SLC39A13: variants seen among roughly 807,000 people sequenced by gnomAD.
SLC39A13 encodes the protein solute carrier family 39 member 13.
A neutral mutation model predicts 38.7 loss-of-function variants in SLC39A13; 18 were observed. That is an observed-to-expected ratio of 0.47 (90% CI 0.32 to 0.69). The LOEUF is 0.69. Ranked by LOEUF, SLC39A13 falls within the 30% of genes least tolerant of loss-of-function variation. SLC39A13 has a pLI of 0.03. For missense variants in SLC39A13, 395 were observed against 490.7 expected (o/e 0.80, Z 1.84); for synonymous variants, 212 against 219.1 (o/e 0.97, Z 0.29).
intron 7 of SLC39A13, 104 bp from the exon 8 acceptor site, chr11:47,414,673 G>A: frequency 6.4e-7 from 1 of 1,570,410 alleles, no homozygotes; most frequent in Non-Finnish European, 8.6e-7. Flanking sequence ...GGTCCCAGGG[G>A]AAGGGTGGGG....
chr11:47,414,974 G>C, intron 8 of SLC39A13, 65 bp downstream of exon 8: 1 of 1,608,880 alleles, frequency 6.2e-7, no homozygotes, highest in Non-Finnish European at 8.5e-7. Context: ...AAAGGGTGTG[G>C]CTACCGCACT....
Position 47,413,621 on chromosome 11 carries a change from G to A in SLC39A13, c.670G>A (p.Ala224Thr), listed in dbSNP as rs1465038824. 6.2e-7 allele frequency: 1 copy of A among 1,614,224 alleles called. No individual in the cohort carries two copies. The highest frequency in any genetic ancestry group is 1.1e-5 in the South Asian group (1 of 91,090). Residue 224 changes from alanine to threonine, a missense_variant, in exon 6 of 10, where the codon GCC becomes ACC. Transcript: ENST00000362021. ...GGTCAGCGGCTACCTCAACCTGCTG[G>A]CCAACACCATCGATAACTTCACCCA... ...IKVSGYLNLL[A>T]NTIDNFTHGL...
At chr11:47,409,897 C>T (rs1344539154) in intron 1 of SLC39A13, 190 bp from the exon 2 acceptor site, 2 of 634,216 alleles carry the variant, frequency 3.2e-6, no homozygotes, top group East Asian at 2.7e-5. Context: ...ACGCAGTGCT[C>T]AGGAGTAGGG....
chr11:47,411,347 G>A (rs1050575100), intron 2 of SLC39A13, among the ~76,000 whole-genome samples: 1 of 152,184 alleles, frequency 6.6e-6, no homozygotes, highest in African/African-American at 2.4e-5. Flanking sequence ...GCTCACAGCT[G>A]TAATCTCAGC....
In SLC39A13 at chr11:47,412,350, T is replaced by C. The variant is rs375324398; in HGVS notation, c.420T>C (p.Gly140=). The C allele has an allele frequency of 8.7e-6, 14 of 1,613,118 alleles. No individual in the cohort carries two copies. In the African/African-American group the frequency reaches 1.7e-4, roughly 20 times the overall value. The change falls in exon 4 of 10, where the codon GGT becomes GGC. Residue 140 remains glycine, a synonymous_variant. Coordinates refer to ENST00000362021, the MANE Select transcript of SLC39A13 (RefSeq NM_001128225.3). ...TGGCATTGCCGCCCCCTGCAGGTGG[T>C]GAGGGGCAGAGCCTGCAGCAGCAGC... ...WAYTCSASPG[G]EGQSLQQQQQ...
At position 47,410,375 on chromosome 11, in the gene SLC39A13, G is replaced by A. The variant is rs778732747; in HGVS notation, c.281G>A (p.Gly94Glu). 10 of 1,614,084 alleles carry A rather than the reference G, an allele frequency of 6.2e-6. No homozygotes were observed. The highest frequency in any genetic ancestry group is 8.5e-6 in the Non-Finnish European group (10 of 1,179,990). The change falls in exon 2 of 10, where the codon GGG becomes GAG. Residue 94 changes from glycine to glutamate, a missense_variant. Gly to Glu is a moderately conservative substitution (Grantham distance 98). Coordinates refer to ENST00000362021, the MANE Select transcript of SLC39A13 (RefSeq NM_001128225.3). ...FPLLVIPLEM[G>E]TMLRSEAGAW... Reference sequence around the variant, plus strand: ...TTGCTTGTCATTCCCCTAGAGATGGGGACCATGCTGCGCTCAGAAGGTAGG... The same window carrying A: ...TTGCTTGTCATTCCCCTAGAGATGGAGACCATGCTGCGCTCAGAAGGTAGG...
At position 47,414,069 on chromosome 11, in the gene SLC39A13, T is replaced by C. The variant is rs1375882380; in HGVS notation, c.736-356T>C. ...GCCTGGAATGTTCTCCCGCCCACGC[T>C]TCGAGCGGCTGACGACTCATCCTTG... On this transcript the variant is annotated intron_variant, in intron 6 of 9. Coordinates refer to ENST00000362021, the MANE Select transcript of SLC39A13 (RefSeq NM_001128225.3). 1.6e-5 allele frequency: 10 copies of C among 612,956 alleles called. No individual in the cohort carries two copies. The East Asian group carries it at 2.7e-4, about 17-fold the overall frequency. 38.0% of individuals were successfully genotyped at this position (612,956 alleles called of 1,614,324 possible). A position where few individuals can be genotyped will look rare whatever the true frequency, so the allele number is the denominator to read the frequency against.
At position 47,409,724 on chromosome 11, in the gene SLC39A13, G is replaced by A. The variant is rs934636242; in HGVS notation, c.-8-363G>A. On this transcript the variant is annotated intron_variant, in intron 1 of 9. Coordinates refer to ENST00000362021, the MANE Select transcript of SLC39A13 (RefSeq NM_001128225.3). ...GGGGTGCCTCAGTCTCTGGGGTGTCGCGGGCGGCAGGGCCTCCCCTGGCAG... is the reference window on the plus strand; with the variant it reads ...GGGGTGCCTCAGTCTCTGGGGTGTCACGGGCGGCAGGGCCTCCCCTGGCAG... The A allele has an allele frequency of 2.1e-5, 6 of 284,604 alleles. No individual in the cohort carries two copies. In the East Asian group the frequency reaches 3.7e-4, roughly 17 times the overall value. 17.6% of individuals were successfully genotyped at this position (284,604 alleles called of 1,614,324 possible).
Position 47,413,506 on chromosome 11 carries a change from A to C in SLC39A13, c.644A>C (p.Lys215Thr), listed in dbSNP as rs765944959. ...CTCGGTGCCGTGGTCCGGAGCATCAAAGTGAGTGGCCTGCTCAGGGCCCCT... is the reference window on the plus strand; with the variant it reads ...CTCGGTGCCGTGGTCCGGAGCATCACAGTGAGTGGCCTGCTCAGGGCCCCT... ...PGLGAVVRSI[K>T]VSGYLNLLAN... Residue 215 changes from lysine to threonine, a missense_variant and splice_region_variant, in exon 5 of 10, where the codon AAA becomes ACA. By Grantham distance (78) the Lys-to-Thr change is moderately conservative. Transcript: ENST00000362021. 12 of 1,614,058 alleles carry C rather than the reference A, an allele frequency of 7.4e-6. No individual in the cohort carries two copies. The highest frequency in any genetic ancestry group is 1.0e-5 in the Non-Finnish European group (12 of 1,179,996).
intron 6 of SLC39A13, chr11:47,413,922 G>A: frequency 1.4e-6 from 1 of 707,226 alleles, no homozygotes; most frequent in Non-Finnish European, 2.6e-6. Context: ...TGCTAGGCGT[G>A]GCCCCTGCCT....
At chr11:47,413,875 T>C (rs1159311976) in intron 6 of SLC39A13, 189 bp downstream of exon 6, 1 of 747,818 alleles carries the variant, frequency 1.3e-6, no homozygotes, top group Admixed American at 2.0e-5. Flanking sequence ...GGTCTGTTCC[T>C]GTTCCCAGTA....
In SLC39A13 at chr11:47,411,942, G is replaced by A; in HGVS notation, c.318G>A (p.Leu106=). 1 of 1,613,676 alleles carries A rather than the reference G, an allele frequency of 6.2e-7. No individual in the cohort carries two copies. Among genetic ancestry groups the A allele is most frequent in the Non-Finnish European group, 8.5e-7 (1 of 1,179,890 alleles). The stretch of plus-strand genomic sequence containing the variant: ...CCCTTGTAGCTGGGGCCTGGCGCCT[G>A]AAGCAGCTGCTCAGCTTCGCCCTGG... ...MLRSEAGAWR[L]KQLLSFALGG... is the part of the protein sequence containing the mutation. Residue 106 remains leucine (L), a synonymous_variant, in exon 3 of 10, where the codon CTG becomes CTA. Coordinates refer to ENST00000362021, the MANE Select transcript of SLC39A13 (RefSeq NM_001128225.3).
intron 7 of SLC39A13, 106 bp downstream of exon 7, chr11:47,414,581 G>T: frequency 1.3e-6 from 2 of 1,503,260 alleles, no homozygotes; most frequent in South Asian, 1.1e-5. Flanking sequence ...GTCCAGCATG[G>T]CACTCTGGGG....
At position 47,412,419 on chromosome 11, in the gene SLC39A13, G is replaced by A; in HGVS notation, c.489G>A (p.Leu163=). The change falls in exon 4 of 10, where the codon CTG becomes CTA. Residue 163 remains leucine (L), a synonymous_variant. Coordinates refer to ENST00000362021, the MANE Select transcript of SLC39A13 (RefSeq NM_001128225.3). ...LWVIAGILTF[L]ALEKMFLDSK... is the part of the protein sequence containing the mutation. ...TCATTGCTGGCATCCTGACCTTCCTGGCGTTGGAGAAGATGTTCCTGGACA... is the reference window on the plus strand; with the variant it reads ...TCATTGCTGGCATCCTGACCTTCCTAGCGTTGGAGAAGATGTTCCTGGACA... The A allele has an allele frequency of 6.2e-7, 1 of 1,614,244 alleles. No individual in the cohort carries two copies.
rs1381574532 is a variant in SLC39A13 at position 47,414,820 on chromosome 11, G to A, written c.830G>A (p.Trp277Ter). The change falls in exon 8 of 10, where the codon TGG (tryptophan) becomes TAG (stop). Residue 277 changes from tryptophan to a stop codon, truncating the protein, a stop_gained. Transcript: ENST00000362021. LOFTEE classifies it high-confidence loss of function. Reference sequence around the variant, plus strand: ...CTGCTCCGGGCCGGCTTTGACCGATGGAGCGCAGCCAAGCTGCAACTCTCA... The same window carrying A: ...CTGCTCCGGGCCGGCTTTGACCGATAGAGCGCAGCCAAGCTGCAACTCTCA... ...AILLRAGFDR[W>*]SAAKLQLSTA... 1 of 1,611,972 alleles carries A rather than the reference G, an allele frequency of 6.2e-7. No individual in the cohort carries two copies. Among genetic ancestry groups the A allele is most frequent in the Non-Finnish European group, 8.5e-7 (1 of 1,180,018 alleles).
intron 1 of SLC39A13, 75 bp from the exon 2 acceptor site, chr11:47,410,012 G>A (rs1790121804): frequency 6.4e-7 from 1 of 1,573,140 alleles, no homozygotes; most frequent in Non-Finnish European, 8.7e-7. Flanking sequence ...GCGGGGAGGA[G>A]GGAGGCGCCA....
In SLC39A13 at chr11:47,413,490, G is replaced by T; in HGVS notation, c.628G>T (p.Val210Leu). The T allele has an allele frequency of 1.9e-6, 3 of 1,614,064 alleles. No homozygotes were observed. Among genetic ancestry groups the T allele is most frequent in the Non-Finnish European group, 2.5e-6 (3 of 1,180,012 alleles). ...QPAAEPGLGAVVRSIKVSGYL... is the reference protein window; with the variant it reads ...QPAAEPGLGALVRSIKVSGYL... ...GGCTGCAGAGCCCGGCCTCGGTGCC[G>T]TGGTCCGGAGCATCAAAGTGAGTGG... is the stretch of plus-strand genomic sequence containing the variant. Residue 210 changes from valine to leucine, a missense_variant, in exon 5 of 10, where the codon GTG becomes TTG. Val to Leu is a conservative substitution (Grantham distance 32, BLOSUM62 1). Coordinates refer to ENST00000362021, the MANE Select transcript of SLC39A13 (RefSeq NM_001128225.3).
intron 9 of SLC39A13, 49 bp downstream of exon 9, chr11:47,415,208 G>A: frequency 6.2e-7 from 1 of 1,612,832 alleles, no homozygotes; most frequent in East Asian, 2.2e-5. Flanking sequence ...GGGCCCTTAG[G>A]GGCTCAGGAG....
At chr11:47,413,745 A>G in intron 6 of SLC39A13, 59 bp downstream of exon 6, 3 of 1,566,036 alleles carry the variant, frequency 1.9e-6, no homozygotes, top group South Asian at 2.3e-5. Flanking sequence ...TGTGGATTCC[A>G]CCTGTGTCTG....
Sources: allele counts gnomAD v4.1 joint callset (sites outside exome capture counted in the v4.1 genomes callset), GRCh38; gene constraint gnomAD v4.1.1; transcripts MANE v1.5; gene names NCBI Gene and HGNC (gene_info 2026-07-23, HGNC 2026-07-21).